DMC1: variants seen among roughly 807,000 people sequenced by gnomAD.
DMC1 encodes meiotic recombination protein DMC1 homolog.
A neutral mutation model predicts 50.1 loss-of-function variants in DMC1; 27 were observed. The ratio of observed to expected loss-of-function variants is 0.54; its 90% CI spans 0.40 to 0.74. DMC1 has a LOEUF of 0.74. Among genes scored for constraint, DMC1 ranks in the 30% least tolerant of loss-of-function variants. The pLI, the probability that DMC1 is intolerant of heterozygous loss-of-function variation, is 0.00. For synonymous variants in DMC1, 148 were observed against 136.1 expected, an observed-to-expected ratio of 1.09 and a Z score of -0.61; for missense variants, 295 against 420.2, an observed-to-expected ratio of 0.70 and a Z score of 2.60.
chr22:38,566,200 G>A (rs1239088999), intron 4 of DMC1, among the ~76,000 whole-genome samples: 3 of 151,672 alleles, frequency 2.0e-5, no homozygotes, highest in Admixed American at 6.6e-5. Context: ...CTTGAACCCC[G>A]GAGGTGGAGG....
intron 7 of DMC1, 32 bp from the exon 8 acceptor site, chr22:38,550,029 G>C (rs1321328939): frequency 6.6e-7 from 1 of 1,521,280 alleles, no homozygotes; most frequent in Non-Finnish European, 9.1e-7. Flanking sequence ...ATATTAATAG[G>C]AGTGAATAAA....
In DMC1 at chr22:38,550,069, T is replaced by C; in HGVS notation, c.422-72A>G. 6 of 1,077,754 alleles carry C rather than the reference T, an allele frequency of 5.6e-6. No homozygotes were observed. The South Asian group carries it at 8.1e-5, about 14-fold the overall frequency. 66.8% of individuals were successfully genotyped at this position (1,077,754 alleles called of 1,614,324 possible). ...GTACACATGACTATATAAATACACATGGAATCTGCTGTTGCAACTCTTTAG... is the reference window on the plus strand; with the variant it reads ...GTACACATGACTATATAAATACACACGGAATCTGCTGTTGCAACTCTTTAG... On this transcript the variant is annotated intron_variant, in intron 7 of 13. Coordinates refer to ENST00000216024, the MANE Select transcript of DMC1 (RefSeq NM_007068.4).
chr22:38,550,396 C>G (rs1400519148), intron 7 of DMC1, among the ~76,000 whole-genome samples: 2 of 147,696 alleles, frequency 1.4e-5, no homozygotes, highest in African/African-American at 2.5e-5. Flanking sequence ...TCACTGCAAT[C>G]TCCGCCTCCC....
intron 9 of DMC1, 97 bp from the exon 10 acceptor site, chr22:38,538,709 G>A: frequency 9.2e-7 from 1 of 1,091,334 alleles, no homozygotes; most frequent in Non-Finnish European, 1.4e-6. Context: ...TAAATTCCTT[G>A]AAGGATTTTC....
the DMC1 span, among the ~76,000 whole-genome samples, chr22:38,513,847 C>T: frequency 2.0e-5 from 3 of 152,196 alleles, no homozygotes; most frequent in East Asian, 1.9e-4. Context: ...ATTATAGGCG[C>T]GGGCCACTGC....
intron 5 of DMC1, among the ~76,000 whole-genome samples, chr22:38,560,925 C>T (rs1354124317): frequency 5.9e-5 from 9 of 151,956 alleles, no homozygotes; most frequent in African/African-American, 2.2e-4. Flanking sequence ...AGTATGTATC[C>T]CTAAAAGATG....
intron 8 of DMC1, among the ~76,000 whole-genome samples, chr22:38,539,782 C>A (rs534558772): frequency 6.6e-6 from 1 of 152,232 alleles, no homozygotes; most frequent in East Asian, 1.9e-4. Context: ...AAATCAGTTA[C>A]AAGAGAAAAA....
At chr22:38,557,421 G>A (rs181641365) in intron 5 of DMC1, among the ~76,000 whole-genome samples, 1 of 152,146 alleles carries the variant, frequency 6.6e-6, no homozygotes, top group Admixed American at 6.6e-5. Flanking sequence ...ATTAAATTTG[G>A]CAATATGGGC....
rs184301400 is a variant in DMC1, at chr22:38,544,688, C to T, written c.494+5237G>A. Among the ~76,000 whole-genome samples, 550 of 151,330 alleles carry T rather than the reference C, an allele frequency of 3.6e-3. 2 individuals are homozygous for T. The highest frequency in any genetic ancestry group is 0.013 in the African/African-American group (521 of 41,166). ...GTCCCCAGGCTGGAGTGCAGTGGCGCGATCTCAGCTCACTGCAACCTCCAC... is the reference window on the plus strand; with the variant it reads ...GTCCCCAGGCTGGAGTGCAGTGGCGTGATCTCAGCTCACTGCAACCTCCAC... On this transcript the variant is annotated intron_variant, in intron 8 of 13. Coordinates refer to ENST00000216024, the MANE Select transcript of DMC1 (RefSeq NM_007068.4).
intron 3 of DMC1, among the ~76,000 whole-genome samples, chr22:38,567,172 A>ATT (rs747236486): frequency 7.9e-5 from 12 of 152,102 alleles, no homozygotes; most frequent in Non-Finnish European, 1.6e-4. Flanking sequence ...AAGGACCAGG[A>ATT]TTTTCTCTTG....
At chr22:38,562,680 AAATT>A (rs1313956949) in intron 4 of DMC1, among the ~76,000 whole-genome samples, 1 of 151,888 alleles carries the variant, frequency 6.6e-6, no homozygotes, top group Non-Finnish European at 1.5e-5. Flanking sequence ...GTAGCTGTGA[AAATT>A]AAATTATATA....
At chr22:38,566,151 G>C (rs1158853412) in intron 4 of DMC1, among the ~76,000 whole-genome samples, 1 of 151,950 alleles carries the variant, frequency 6.6e-6, no homozygotes. Context: ...CTGTGTGCCT[G>C]TAGTCCCAGC....
chr22:38,518,252 G>T (rs576866722), downstream of DMC1, among the ~76,000 whole-genome samples: 3 of 152,260 alleles, frequency 2.0e-5, no homozygotes, highest in East Asian at 5.8e-4. Flanking sequence ...GATTACTGGC[G>T]TGAGCTACCG....
At position 38,542,422 on chromosome 22, in the gene DMC1, A is replaced by G. The variant is rs374024191; in HGVS notation, c.495-3010T>C. Among the ~76,000 whole-genome samples the G allele has an allele frequency of 3.9e-5, 6 of 152,272 alleles. No homozygotes were observed. In the East Asian group the frequency reaches 7.7e-4, roughly 20 times the overall value. On this transcript the variant is annotated intron_variant, in intron 8 of 13. Transcript: ENST00000216024. The stretch of plus-strand genomic sequence containing the variant: ...TAAATACCGACAGGGAACAATCTGA[A>G]AAAGAAATTCAAAAATTAATCCCAT...
rs1275751427 is a variant in DMC1, at chr22:38,521,610, G to A, written c.951C>T (p.Asp317=). The A allele has an allele frequency of 6.3e-7, 1 of 1,584,482 alleles. No individual in the cohort carries two copies. Among genetic ancestry groups the A allele is most frequent in the East Asian group, 2.3e-5 (1 of 44,298 alleles). The change falls in exon 13 of 14, where the codon GAC becomes GAT. Residue 317 remains aspartate, a splice_region_variant and synonymous_variant. Coordinates refer to ENST00000216024, the MANE Select transcript of DMC1 (RefSeq NM_007068.4). ...ACACAAAATAAAAAAAAATTTACCT[G>A]TCATAAATCTTGGCAATTCTGAGCT... The part of the protein sequence containing the change: ...RGELRIAKIY[D]SPEMPENEAT...
Position 38,568,262 on chromosome 22 carries a change from A to T in DMC1, c.-6T>A, listed in dbSNP as rs375575842. On this transcript the variant is annotated 5_prime_UTR_variant, in exon 2 of 14. Coordinates refer to ENST00000216024, the MANE Select transcript of DMC1 (RefSeq NM_007068.4). ...ACAACTTGATCCTCCTTCATATTGA[A>T]AAGTGGGCAACAGAAAAATAATCAC... 6.0e-5 allele frequency: 97 copies of T among 1,613,994 alleles called. No homozygotes were observed. The highest frequency in any genetic ancestry group is 1.6e-4 in the South Asian group (15 of 91,088).
At position 38,539,421 on chromosome 22, in the gene DMC1, T is replaced by C. The variant is rs373877239; in HGVS notation, c.495-9A>G. On this transcript the variant is annotated splice_polypyrimidine_tract_variant and intron_variant, in intron 8 of 13. Transcript: ENST00000216024. ...TAAGGCGATCTGGACGGCTGGAGTA[T>C]GCCAAGATTAAGGATCCAATAAGTC... The C allele has an allele frequency of 2.3e-4, 368 of 1,612,292 alleles. No individual in the cohort carries two copies. The highest frequency in any genetic ancestry group is 3.0e-4 in the Non-Finnish European group (348 of 1,178,592).
At position 38,521,723 on chromosome 22, in the gene DMC1, A is replaced by G; in HGVS notation, c.838T>C (p.Phe280Leu). The G allele has an allele frequency of 6.2e-7, 1 of 1,601,272 alleles. No individual in the cohort carries two copies. Residue 280 changes from phenylalanine (F) to leucine (L), a missense_variant and splice_region_variant, in exon 13 of 14, where the codon TTT (phenylalanine) becomes CTT (leucine). Physicochemically the swap from Phe to Leu is conservative, Grantham distance 22. Coordinates refer to ENST00000216024, the MANE Select transcript of DMC1 (RefSeq NM_007068.4). The stretch of plus-strand genomic sequence containing the variant: ...ATGGGTTTTTTGGGATCTGCCTGAA[A>G]GCTGAATTAATAAAATACTCTTTCA... ...MTADPGATMTFQADPKKPIGG... is the reference protein window; with the variant it reads ...MTADPGATMTLQADPKKPIGG...
intron 12 of DMC1, among the ~76,000 whole-genome samples, chr22:38,525,204 G>A (rs1026280464): frequency 6.6e-6 from 1 of 152,094 alleles, no homozygotes; most frequent in South Asian, 2.1e-4. Context: ...AATATACAGG[G>A]TACTCCATAA....
Sources: allele counts gnomAD v4.1 joint callset (sites outside exome capture counted in the v4.1 genomes callset), GRCh38; gene constraint gnomAD v4.1.1; transcripts MANE v1.5; gene names NCBI Gene and HGNC (gene_info 2026-07-23, HGNC 2026-07-21).